USP3: variants seen among roughly 807,000 people sequenced by gnomAD.
USP3 encodes the protein ubiquitin carboxyl-terminal hydrolase 3.
In USP3, 20 loss-of-function variants were observed where a neutral mutation model predicts 72.3. The observed-to-expected ratio is 0.28, with a 90% CI of 0.19 to 0.40. The LOEUF is 0.40. Ranked by LOEUF, USP3 falls within the 10% of genes least tolerant of loss-of-function variation. The pLI, the probability that USP3 is intolerant of heterozygous loss-of-function variation, is 1.00. For synonymous variants in USP3, 222 were observed against 225.3 expected (o/e 0.99, Z 0.13); for missense variants, 479 against 633.9 (o/e 0.76, Z 2.62).
At chr15:63,532,508 A>G (rs2066091403) in intron 1 of USP3, 139 bp from the exon 2 acceptor site, 8 of 887,918 alleles carry the variant, frequency 9.0e-6, no homozygotes, top group Non-Finnish European at 1.3e-5. Context: ...TTTTGTGTAA[A>G]TGCATTCACA....
chr15:63,519,948 G>A (rs1057247331), intron 1 of USP3, among the ~76,000 whole-genome samples: 2 of 152,080 alleles, frequency 1.3e-5, no homozygotes, highest in Non-Finnish European at 2.9e-5. Context: ...CCCTTAAGCT[G>A]TGATTTGGGC....
chr15:63,534,150 A>G (rs1171610721), intron 2 of USP3, among the ~76,000 whole-genome samples: 1 of 152,214 alleles, frequency 6.6e-6, no homozygotes, highest in African/African-American at 2.4e-5. Flanking sequence ...TTAAATTTAG[A>G]AATTTGACAT....
intron 5 of USP3, among the ~76,000 whole-genome samples, chr15:63,557,673 A>T (rs572199534): frequency 6.6e-6 from 1 of 152,212 alleles, no homozygotes; most frequent in African/African-American, 2.4e-5. Flanking sequence ...GAAAACGTGT[A>T]TTGGTCGTTT....
chr15:63,537,325 A>T (rs1283442156), intron 3 of USP3, among the ~76,000 whole-genome samples, 169 bp downstream of exon 3: 1 of 152,150 alleles, frequency 6.6e-6, no homozygotes, highest in African/African-American at 2.4e-5. Flanking sequence ...TTATTCATTC[A>T]GATTTTACTT....
chr15:63,519,326 C>G (rs578094028), intron 1 of USP3, among the ~76,000 whole-genome samples: 1 of 149,192 alleles, frequency 6.7e-6, no homozygotes, highest in African/African-American at 2.5e-5. Flanking sequence ...CATGTCTTGG[C>G]TTTTGGCTTT....
Position 63,517,120 on chromosome 15 carries a change from C to T in USP3, c.91+12290C>T, listed in dbSNP as rs561712437. 4.6e-5 allele frequency among the ~76,000 whole-genome samples: 7 copies of T among 151,834 alleles called. No homozygotes were observed. The East Asian group carries it at 1.4e-3, about 29-fold the overall frequency. On this transcript the variant is annotated intron_variant, in intron 1 of 14. Coordinates refer to ENST00000380324, the MANE Select transcript of USP3 (RefSeq NM_006537.4). ...GTAAGTTATATATGTATACATGTGC[C>T]ATGTTGGTGTGCTGCACCCATTAAC...
rs566871556 is a variant in USP3 at position 63,515,200 on chromosome 15, C to T, written c.91+10370C>T. 2.6e-5 allele frequency among the ~76,000 whole-genome samples: 4 copies of T among 152,266 alleles called. No individual in the cohort carries two copies. The South Asian group carries it at 8.3e-4, about 32-fold the overall frequency. On this transcript the variant is annotated intron_variant, in intron 1 of 14. Coordinates refer to ENST00000380324, the MANE Select transcript of USP3 (RefSeq NM_006537.4). ...CAGTTCCAGTATTTAAAATGAAGATCAAGAGTGGCATAATAGCTTCATTAG... is the reference window on the plus strand; with the variant it reads ...CAGTTCCAGTATTTAAAATGAAGATTAAGAGTGGCATAATAGCTTCATTAG...
intron 8 of USP3, among the ~76,000 whole-genome samples, chr15:63,563,840 A>C (rs2066645864): frequency 6.6e-6 from 1 of 152,262 alleles, no homozygotes; most frequent in Admixed American, 6.5e-5. Context: ...TGTAGTTAAT[A>C]TAGATAAATA....
intron 3 of USP3, among the ~76,000 whole-genome samples, chr15:63,537,523 C>G (rs2066175634): frequency 6.6e-6 from 1 of 152,086 alleles, no homozygotes; most frequent in Non-Finnish European, 1.5e-5. Flanking sequence ...TTCCTCCTGT[C>G]CCTGGTCCAG....
Position 63,558,110 on chromosome 15 carries a change from G to C in USP3, c.455G>C (p.Ser152Thr), listed in dbSNP as rs754104447. 156 of 1,614,164 alleles carry C rather than the reference G, an allele frequency of 9.7e-5. No individual in the cohort carries two copies. Among genetic ancestry groups the C allele is most frequent in the Non-Finnish European group, 1.2e-4 (140 of 1,180,030 alleles). ...LNSKLLKVNGSTTAICATGLR... is the reference protein window; with the variant it reads ...LNSKLLKVNGTTTAICATGLR... The stretch of plus-strand genomic sequence containing the variant: ...CTCTTCTTGCACCACTTACAGGGAA[G>C]CACCACTGCCATTTGTGCCACAGGC... The change falls in exon 6 of 15, where the codon AGC becomes ACC. Residue 152 changes from serine to threonine, a missense_variant. Ser to Thr is a moderately conservative substitution (Grantham distance 58, BLOSUM62 1). Coordinates refer to ENST00000380324, the MANE Select transcript of USP3 (RefSeq NM_006537.4).
chr15:63,571,672 GTA>G (rs1249283029), intron 9 of USP3, among the ~76,000 whole-genome samples: 1 of 148,462 alleles, frequency 6.7e-6, no homozygotes, highest in Non-Finnish European at 1.5e-5. Context: ...GTGAGAGAGG[GTA>G]TATGTCTTTA....
intron 4 of USP3, among the ~76,000 whole-genome samples, chr15:63,554,669 G>A (rs918477351): frequency 1.3e-5 from 2 of 152,180 alleles, no homozygotes; most frequent in African/African-American, 4.8e-5. Context: ...ATTGCATACT[G>A]AAAAGAAATA....
At chr15:63,504,992 C>T (rs2065689605) in intron 1 of USP3, among the ~76,000 whole-genome samples, 162 bp downstream of exon 1, 2 of 150,352 alleles carry the variant, frequency 1.3e-5, no homozygotes, top group Non-Finnish European at 3.0e-5. Context: ...CGGGCGCGTG[C>T]GGGAGCGGCG....
intron 11 of USP3, among the ~76,000 whole-genome samples, chr15:63,582,719 G>C (rs887200880): frequency 6.6e-6 from 1 of 152,152 alleles, no homozygotes; most frequent in African/African-American, 2.4e-5. Context: ...GCAAGAAGAT[G>C]CTGGAAGATG....
chr15:63,558,840 A>G lies in USP3; in HGVS notation c.533+652A>G, dbSNP rs543034710. Among the ~76,000 whole-genome samples, 1,370 of 152,252 alleles carry G rather than the reference A, an allele frequency of 9.0e-3. 4 individuals are homozygous for G. The highest frequency in any genetic ancestry group is 0.014 in the Non-Finnish European group (950 of 68,022). ...CAGTGAGCCAAGATGGCGCCACTACACTCCAGCCTGGGTGACAAAGCGAGA... is the reference window on the plus strand; with the variant it reads ...CAGTGAGCCAAGATGGCGCCACTACGCTCCAGCCTGGGTGACAAAGCGAGA... On this transcript the variant is annotated intron_variant, in intron 6 of 14. Transcript: ENST00000380324.
At chr15:63,534,798 T>C (rs2066130328) in intron 2 of USP3, among the ~76,000 whole-genome samples, 1 of 152,212 alleles carries the variant, frequency 6.6e-6, no homozygotes, top group African/African-American at 2.4e-5. Flanking sequence ...GTATTATTAC[T>C]GTAGCAATGA....
intron 1 of USP3, among the ~76,000 whole-genome samples, chr15:63,531,530 A>C (rs1181999314): frequency 6.6e-6 from 1 of 152,188 alleles, no homozygotes; most frequent in African/African-American, 2.4e-5. Context: ...ACAGTGTTTC[A>C]GTGTACGCTG....
At chr15:63,573,743 T>A (rs939231029) in intron 9 of USP3, among the ~76,000 whole-genome samples, 29 of 152,224 alleles carry the variant, frequency 1.9e-4, no homozygotes, top group African/African-American at 6.8e-4. Flanking sequence ...CATGTTGCCC[T>A]GTGCAGAGTC....
intron 9 of USP3, among the ~76,000 whole-genome samples, chr15:63,572,409 G>A (rs2066794134): frequency 6.7e-6 from 1 of 148,560 alleles, no homozygotes; most frequent in South Asian, 2.1e-4. Flanking sequence ...TCCTTTTTTA[G>A]TGACACAGAT....
Sources: allele counts gnomAD v4.1 joint callset (sites outside exome capture counted in the v4.1 genomes callset), GRCh38; gene constraint gnomAD v4.1.1; transcripts MANE v1.5; gene names NCBI Gene and HGNC (gene_info 2026-07-23, HGNC 2026-07-21).